The following ADK variants were observed in gnomAD, a reference collection of about 807,000 sequenced individuals.
The protein encoded by ADK is N6,N6-dimethyladenosine kinase.
Under a neutral mutation model 44.7 loss-of-function variants are expected in ADK, and 24 were observed. That is an observed-to-expected ratio of 0.54 (90% CI 0.39 to 0.76). The LOEUF (loss-of-function observed/expected upper bound fraction) is 0.76, where lower values mean the gene tolerates loss of function less well. Among genes scored for constraint, ADK ranks in the 30% least tolerant of loss-of-function variants. ADK has a pLI of 0.00. For synonymous variants in ADK, 128 were observed against 142.6 expected, an observed-to-expected ratio of 0.90 and a Z score of 0.73; for missense variants, 321 against 425.1, an observed-to-expected ratio of 0.76 and a Z score of 2.15.
rs376097939 is a variant in ADK, at chr10:74,444,426, A to G, written c.555+45847A>G. On this transcript the variant is annotated intron_variant, in intron 6 of 10. Coordinates refer to ENST00000539909, the MANE Select transcript of ADK (RefSeq NM_006721.4). ...TCTCCTGTTTTATACTGATCTTTTCACGAATGTGAACCTTTTTCTTGAAAG... is the reference window on the plus strand; with the variant it reads ...TCTCCTGTTTTATACTGATCTTTTCGCGAATGTGAACCTTTTTCTTGAAAG... Among the ~76,000 whole-genome samples, 402 of 152,206 alleles carry G rather than the reference A, an allele frequency of 2.6e-3. 1 individual carries two copies. The highest frequency in any genetic ancestry group is 0.015 in the South Asian group (73 of 4,824).
chr10:74,556,729 A>G, intron 7 of ADK, among the ~76,000 whole-genome samples: 1 of 152,212 alleles, frequency 6.6e-6, no homozygotes, highest in Non-Finnish European at 1.5e-5. Flanking sequence ...GGAAGATGCC[A>G]GGCACAACTG....
intron 10 of ADK, among the ~76,000 whole-genome samples, chr10:74,671,111 A>T (rs1415243084): frequency 2.7e-5 from 4 of 150,608 alleles, no homozygotes; most frequent in Non-Finnish European, 4.4e-5. Flanking sequence ...AATTTGAATC[A>T]TGGGAAACTT....
At chr10:74,200,156 GTTTTTTT>G (rs760622376) in intron 1 of ADK, among the ~76,000 whole-genome samples, 1 of 99,274 alleles carries the variant, frequency 1.0e-5, no homozygotes, top group African/African-American at 4.2e-5. Flanking sequence ...GACACCATCT[GTTTTTTT>G]TTTTTTTTTT....
Position 74,549,311 on chromosome 10 carries a change from C to A in ADK, c.726+23885C>A, listed in dbSNP as rs534361139. Among the ~76,000 whole-genome samples, 3 of 152,276 alleles carry A rather than the reference C, an allele frequency of 2.0e-5. No homozygotes were observed. The East Asian group carries it at 5.8e-4, about 29-fold the overall frequency. ...ATAGATCCAATCTTTTCTTTGAAAT[C>A]TTCATTCATTCACTAATTTTCCCTC... On this transcript the variant is annotated intron_variant, in intron 7 of 10. Coordinates refer to ENST00000539909, the MANE Select transcript of ADK (RefSeq NM_006721.4).
chr10:74,504,106 T>C lies in ADK; in HGVS notation c.556-21150T>C, dbSNP rs541760598. 2.0e-3 allele frequency among the ~76,000 whole-genome samples: 305 copies of C among 152,362 alleles called. 3 individuals carry two copies. The highest frequency in any genetic ancestry group is 0.01 in the Middle Eastern group (3 of 294). On this transcript the variant is annotated intron_variant, in intron 6 of 10. Coordinates refer to ENST00000539909, the MANE Select transcript of ADK (RefSeq NM_006721.4). Reference sequence around the variant, plus strand: ...GAGCCACAGTTCCGAAACTGTGCACTGACACCCCAGGGTACTGCAGCAGAC... The same window carrying C: ...GAGCCACAGTTCCGAAACTGTGCACCGACACCCCAGGGTACTGCAGCAGAC...
intron 7 of ADK, among the ~76,000 whole-genome samples, chr10:74,588,829 T>G (rs1851616787): frequency 6.6e-6 from 1 of 152,224 alleles, no homozygotes; most frequent in Admixed American, 6.5e-5. Flanking sequence ...TAACATCTAC[T>G]GAGGATCCTT....
intron 6 of ADK, among the ~76,000 whole-genome samples, chr10:74,512,576 C>T (rs1054404186): frequency 3.3e-5 from 5 of 151,708 alleles, no homozygotes; most frequent in East Asian, 3.9e-4. Flanking sequence ...TAGTTGTTCA[C>T]GGTAGTCTCT....
intron 1 of ADK, among the ~76,000 whole-genome samples, chr10:74,184,449 C>T (rs2132093970): frequency 6.6e-6 from 1 of 152,140 alleles, no homozygotes; most frequent in East Asian, 1.9e-4. Flanking sequence ...CCCACCTCAG[C>T]CCTCCAGAGA....
Position 74,223,614 on chromosome 10 carries a change from T to C in ADK, c.141-924T>C, listed in dbSNP as rs978038184. Among the ~76,000 whole-genome samples, 154 of 152,138 alleles carry C rather than the reference T, an allele frequency of 1.0e-3. 1 individual carries two copies. Among genetic ancestry groups the C allele is most frequent in the Non-Finnish European group, 2.0e-3 (139 of 68,014 alleles). ...GGGAATTGTTGTCCATTGTTGTTTATCTATTTCTGTGTACCCTTCAGAAAG... is the reference window on the plus strand; with the variant it reads ...GGGAATTGTTGTCCATTGTTGTTTACCTATTTCTGTGTACCCTTCAGAAAG... On this transcript the variant is annotated intron_variant, in intron 2 of 10. Coordinates refer to ENST00000539909, the MANE Select transcript of ADK (RefSeq NM_006721.4).
At chr10:74,235,855 A>G (rs1844939317) in intron 3 of ADK, among the ~76,000 whole-genome samples, 1 of 152,198 alleles carries the variant, frequency 6.6e-6, no homozygotes, top group Admixed American at 6.5e-5. Context: ...GAGTGCATTA[A>G]TGCAGGAGTG....
intron 3 of ADK, among the ~76,000 whole-genome samples, chr10:74,265,100 C>T (rs1296235671): frequency 6.6e-6 from 1 of 152,082 alleles, no homozygotes; most frequent in Non-Finnish European, 1.5e-5. Flanking sequence ...GCAACCACAC[C>T]TGGCCAAATT....
chr10:74,646,393 A>C (rs1425630386), intron 9 of ADK, among the ~76,000 whole-genome samples: 1 of 152,226 alleles, frequency 6.6e-6, no homozygotes, highest in Admixed American at 6.5e-5. Flanking sequence ...AGAGTAGGTT[A>C]TGTTCCTTAG....
rs113453349 is a variant in ADK, at chr10:74,200,873, A to G, written c.140+35A>G. 25 of 1,342,546 alleles carry G rather than the reference A, an allele frequency of 1.9e-5. No homozygotes were observed. The Admixed American group carries it at 2.0e-4, about 11-fold the overall frequency. 83.2% of individuals were successfully genotyped at this position (1,342,546 alleles called of 1,614,324 possible). A position where few individuals can be genotyped will look rare whatever the true frequency, so the allele number is the denominator to read the frequency against. On this transcript the variant is annotated intron_variant, in intron 2 of 10. Coordinates refer to ENST00000539909, the MANE Select transcript of ADK (RefSeq NM_006721.4). ...AAACTCTTCATATGCACTATGTGGAACTTACATTTGAAGAAGAATGGATGA... is the reference window on the plus strand; with the variant it reads ...AAACTCTTCATATGCACTATGTGGAGCTTACATTTGAAGAAGAATGGATGA...
intron 1 of ADK, among the ~76,000 whole-genome samples, chr10:74,179,706 T>C (rs1842466406): frequency 6.6e-6 from 1 of 152,220 alleles, no homozygotes; most frequent in Admixed American, 6.5e-5. Flanking sequence ...GGAAAACTCA[T>C]GATTAATCCA....
At chr10:74,419,528 T>C (rs1171103285) in intron 6 of ADK, among the ~76,000 whole-genome samples, 1 of 152,184 alleles carries the variant, frequency 6.6e-6, no homozygotes, top group East Asian at 1.9e-4. Flanking sequence ...AAGCACATTC[T>C]ATCTGACAAT....
At chr10:74,295,497 C>T (rs1342887043) in intron 3 of ADK, among the ~76,000 whole-genome samples, 4 of 151,860 alleles carry the variant, frequency 2.6e-5, no homozygotes, top group Non-Finnish European at 5.9e-5. Flanking sequence ...TGAAAAATCT[C>T]TGTACTCAGG....
intron 7 of ADK, among the ~76,000 whole-genome samples, chr10:74,585,652 CT>C (rs2133908401): frequency 6.6e-6 from 1 of 152,226 alleles, no homozygotes; most frequent in South Asian, 2.1e-4. Context: ...GATGTCAGAT[CT>C]AAAATGGAAA....
chr10:74,601,949 A>G (rs1432736884), intron 9 of ADK, among the ~76,000 whole-genome samples: 1 of 150,770 alleles, frequency 6.6e-6, no homozygotes, highest in Non-Finnish European at 1.5e-5. Context: ...GAAAAAAAAA[A>G]AAAATTAGCT....
At chr10:74,274,730 G>GTATATATATATATATATA (rs1200421234) in intron 3 of ADK, among the ~76,000 whole-genome samples, 3 of 40,516 alleles carry the variant, frequency 7.4e-5, no homozygotes, top group Non-Finnish European at 1.3e-4. Context: ...ATTTTAATGT[G>GTATATATATATATATATA]TGTATATATA....
Sources: allele counts gnomAD v4.1 joint callset (sites outside exome capture counted in the v4.1 genomes callset), GRCh38; gene constraint gnomAD v4.1.1; transcripts MANE v1.5; gene names NCBI Gene and HGNC (gene_info 2026-07-23, HGNC 2026-07-21).